CSMD1: variants seen among roughly 807,000 people sequenced by gnomAD.
CSMD1 encodes the protein CUB and sushi domain-containing protein 1.
In CSMD1, 213 loss-of-function variants were observed where a neutral mutation model predicts 417.5. The ratio of observed to expected loss-of-function variants is 0.51; its 90% confidence interval spans 0.46 to 0.57. The LOEUF (loss-of-function observed/expected upper bound fraction) is 0.57. Among genes scored for constraint, CSMD1 ranks in the 20% least tolerant of loss-of-function variants. The probability of loss-of-function intolerance (pLI) is 0.00; values close to 1 mark genes in which losing one functional copy is unlikely to be tolerated. For missense variants in CSMD1, 6,923 were observed against 4,529.7 expected (o/e 1.53, Z -15.17); for synonymous variants, 2,862 against 1,736.8 (o/e 1.65, Z -16.11).
chr8:4,758,429 C>T (rs1341405766), intron 1 of CSMD1, among the ~76,000 whole-genome samples: 1 of 152,028 alleles, frequency 6.6e-6, no homozygotes, highest in Non-Finnish European at 1.5e-5. Context: ...CACAAAATGG[C>T]ATAAAGGTGA....
At chr8:4,045,903 C>T (rs999291470) in intron 3 of CSMD1, among the ~76,000 whole-genome samples, 4 of 151,908 alleles carry the variant, frequency 2.6e-5, no homozygotes, top group Admixed American at 2.0e-4. Flanking sequence ...TGCTGGTGAA[C>T]ACACACAGGT....
chr8:4,322,908 C>G (rs1191003232), intron 3 of CSMD1, among the ~76,000 whole-genome samples: 1 of 152,152 alleles, frequency 6.6e-6, no homozygotes, highest in Non-Finnish European at 1.5e-5. Flanking sequence ...TCGCTTGAAC[C>G]CTGGAGGTGG....
intron 6 of CSMD1, among the ~76,000 whole-genome samples, chr8:3,732,109 G>A (rs762370630): frequency 6.6e-5 from 10 of 152,294 alleles, no homozygotes; most frequent in Non-Finnish European, 1.5e-4. Flanking sequence ...GGAAAGGAGG[G>A]CCTTGGAGGA....
At chr8:3,516,168 C>A (rs1164465795) in intron 10 of CSMD1, among the ~76,000 whole-genome samples, 1 of 152,182 alleles carries the variant, frequency 6.6e-6, no homozygotes, top group Non-Finnish European at 1.5e-5. Flanking sequence ...AGACAATATC[C>A]TTATCCACTA....
intron 1 of CSMD1, among the ~76,000 whole-genome samples, chr8:4,916,778 A>G (rs1356293652): frequency 6.6e-6 from 1 of 152,262 alleles, no homozygotes; most frequent in Admixed American, 6.5e-5. Flanking sequence ...AGTGACAGCT[A>G]GATGCTAACG....
intron 20 of CSMD1, among the ~76,000 whole-genome samples, chr8:3,360,797 G>A (rs1443481282): frequency 6.6e-6 from 1 of 151,432 alleles, no homozygotes; most frequent in African/African-American, 2.4e-5. Context: ...TATTTTCACT[G>A]GACATATAAA....
chr8:3,429,552 C>G (rs952857313), intron 12 of CSMD1, among the ~76,000 whole-genome samples: 1 of 152,244 alleles, frequency 6.6e-6, no homozygotes, highest in Middle Eastern at 3.4e-3. Flanking sequence ...CGTTCAATAT[C>G]TTTCACTATG....
chr8:3,923,759 T>C (rs571525975), intron 5 of CSMD1, among the ~76,000 whole-genome samples: 5 of 152,284 alleles, frequency 3.3e-5, no homozygotes, highest in Non-Finnish European at 5.9e-5. Flanking sequence ...TTGACAAACA[T>C]CTCCTCATTT....
chr8:3,643,700 C>CAAAAAAAAAAA (rs66500235), intron 7 of CSMD1, among the ~76,000 whole-genome samples: 1,414 of 85,184 alleles, frequency 0.017, 36 homozygotes, highest in Non-Finnish European at 0.023. Context: ...GACTCCGTCT[C>CAAAAAAAAAAA]AAAAAAAAAA....
chr8:4,235,893 C>G (rs942753197), intron 3 of CSMD1, among the ~76,000 whole-genome samples: 1 of 152,154 alleles, frequency 6.6e-6, no homozygotes, highest in Non-Finnish European at 1.5e-5. Flanking sequence ...GCTGACACAT[C>G]CCGTAGCTGA....
chr8:3,701,427 C>G (rs1056440344), intron 7 of CSMD1, among the ~76,000 whole-genome samples: 10 of 151,962 alleles, frequency 6.6e-5, no homozygotes, highest in Admixed American at 5.2e-4. Context: ...CGGGCTGAAC[C>G]GAAGCTGCTG....
chr8:3,395,772 C>T (rs933582633), intron 17 of CSMD1, among the ~76,000 whole-genome samples: 6 of 152,118 alleles, frequency 3.9e-5, no homozygotes, highest in African/African-American at 1.4e-4. Context: ...TACTCAGATT[C>T]GGTACCACAA....
chr8:4,242,536 G>A (rs906991702), intron 3 of CSMD1, among the ~76,000 whole-genome samples: 4 of 152,198 alleles, frequency 2.6e-5, no homozygotes, highest in African/African-American at 9.7e-5. Context: ...TTCTTAACTA[G>A]TCTTTCCCCT....
At chr8:3,702,480 CAAG>C (rs1351089916) in intron 7 of CSMD1, among the ~76,000 whole-genome samples, 2 of 152,122 alleles carry the variant, frequency 1.3e-5, no homozygotes, top group African/African-American at 2.4e-5. Context: ...TGGTTTCTGC[CAAG>C]AAGAATGCTC....
chr8:3,141,665 C>G (rs1427285014), intron 41 of CSMD1, among the ~76,000 whole-genome samples: 1 of 152,164 alleles, frequency 6.6e-6, no homozygotes, highest in Non-Finnish European at 1.5e-5. Flanking sequence ...AACCGGTAAT[C>G]TGGCCCAACC....
chr8:4,729,205 G>A (rs980856558), intron 1 of CSMD1, among the ~76,000 whole-genome samples: 3 of 152,072 alleles, frequency 2.0e-5, no homozygotes, highest in Non-Finnish European at 2.9e-5. Flanking sequence ...TAAAAATGCT[G>A]TTTAAATAAA....
chr8:3,817,849 C>A (rs1469270444), intron 5 of CSMD1, among the ~76,000 whole-genome samples: 1 of 152,092 alleles, frequency 6.6e-6, no homozygotes, highest in East Asian at 1.9e-4. Flanking sequence ...TCCCAGAGTC[C>A]AGAGCATACC....
rs1810544755 is a variant in CSMD1, at chr8:3,034,575, G to A, written c.7661-5062C>T. ...ATATATGTACATATGTAATTTATATGTATGTATAAATTTTAATATATACCT... is the reference window on the plus strand; with the variant it reads ...ATATATGTACATATGTAATTTATATATATGTATAAATTTTAATATATACCT... On this transcript the variant is annotated intron_variant, in intron 50 of 69. Transcript: ENST00000635120. 2.0e-5 allele frequency among the ~76,000 whole-genome samples: 3 copies of A among 149,714 alleles called. No homozygotes were observed. The South Asian group carries it at 6.2e-4, about 31-fold the overall frequency.
chr8:3,238,670 A>T (rs568699563), intron 26 of CSMD1, among the ~76,000 whole-genome samples: 62 of 152,178 alleles, frequency 4.1e-4, no homozygotes, highest in Non-Finnish European at 7.9e-4. Flanking sequence ...ACAGTTTTGT[A>T]TGAATTGAAA....
Sources: allele counts gnomAD v4.1 joint callset (sites outside exome capture counted in the v4.1 genomes callset), GRCh38; gene constraint gnomAD v4.1.1; transcripts MANE v1.5; gene names NCBI Gene and HGNC (gene_info 2026-07-23, HGNC 2026-07-21).